The following SLC37A1 variants were observed in gnomAD, a reference collection of about 807,000 sequenced individuals.
SLC37A1 encodes the protein glucose-6-phosphate exchanger SLC37A1.
SLC37A1 carries 49 observed loss-of-function variants against 75.3 expected under a neutral mutation model. That is an observed-to-expected ratio of 0.65 (90% CI 0.52 to 0.83). The LOEUF is 0.83. Ranked by LOEUF, SLC37A1 falls within the 40% of genes least tolerant of loss-of-function variation. The pLI, the probability that SLC37A1 is intolerant of heterozygous loss-of-function variation, is 0.00. For missense variants in SLC37A1, 566 were observed against 695.0 expected, an observed-to-expected ratio of 0.81 and a Z score of 2.09; for synonymous variants, 268 against 292.1, an observed-to-expected ratio of 0.92 and a Z score of 0.84.
rs112132021 is a variant in SLC37A1, at chr21:42,514,515, C to T, written c.-381C>T. The T allele has an allele frequency of 6.6e-6, 1 of 152,244 alleles. No homozygotes were observed. The highest frequency in any genetic ancestry group is 6.5e-5 in the Admixed American group (1 of 15,294). 9.4% of individuals were successfully genotyped at this position (152,244 alleles called of 1,614,324 possible). A position where few individuals can be genotyped will look rare whatever the true frequency, so the allele number is the denominator to read the frequency against. On this transcript the variant is annotated 5_prime_UTR_variant, in exon 1 of 20. Coordinates refer to ENST00000352133, the MANE Select transcript of SLC37A1 (RefSeq NM_001320537.2). This position sits in a 1 kb window ranked among gnomAD's most constrained non-coding sequence, Gnocchi z 4.8. Reference sequence around the variant, plus strand: ...GAGGAGCCGGCACAGAACGCTGGCTCGGAGCGCCGGCACCCTGGGCCTTTG... The same window carrying T: ...GAGGAGCCGGCACAGAACGCTGGCTTGGAGCGCCGGCACCCTGGGCCTTTG...
chr21:42,538,407 C>T (rs539481404), intron 5 of SLC37A1, among the ~76,000 whole-genome samples: 2 of 152,234 alleles, frequency 1.3e-5, no homozygotes, highest in South Asian at 2.1e-4. Context: ...TTGGTGAATT[C>T]GGAAGGAAAA....
At chr21:42,580,209 G>T in intron 19 of SLC37A1, 136 bp from the exon 20 acceptor site, 1 of 981,252 alleles carries the variant, frequency 1.0e-6, no homozygotes, top group Non-Finnish European at 1.6e-6. Context: ...CAGCACCCCT[G>T]CAGGAGAGGA....
intron 13 of SLC37A1, 59 bp from the exon 14 acceptor site, chr21:42,564,649 C>A: frequency 7.2e-7 from 1 of 1,393,060 alleles, no homozygotes; most frequent in Non-Finnish European, 1.0e-6. Flanking sequence ...AGTTCTGCTT[C>A]CTCCCCGTGG....
At chr21:42,556,911 C>T (rs1024587821) in intron 10 of SLC37A1, among the ~76,000 whole-genome samples, 1 of 152,172 alleles carries the variant, frequency 6.6e-6, no homozygotes, top group Non-Finnish European at 1.5e-5. Context: ...GGCCCGTTCT[C>T]AGCAGAAACA....
intron 18 of SLC37A1, among the ~76,000 whole-genome samples, chr21:42,577,735 C>G (rs1357082297): frequency 6.6e-6 from 1 of 152,196 alleles, no homozygotes; most frequent in Non-Finnish European, 1.5e-5. Flanking sequence ...AATAAATGGA[C>G]TTAAACTCAT....
chr21:42,535,186 G>A (rs1172757181), intron 4 of SLC37A1, among the ~76,000 whole-genome samples: 3 of 152,224 alleles, frequency 2.0e-5, no homozygotes, highest in African/African-American at 7.2e-5. Flanking sequence ...ACACGTAAAA[G>A]AAAAGGCATC....
intron 3 of SLC37A1, among the ~76,000 whole-genome samples, chr21:42,529,821 C>T (rs968033341): frequency 6.6e-6 from 1 of 152,132 alleles, no homozygotes; most frequent in Non-Finnish European, 1.5e-5. Context: ...TTGCCCAGGG[C>T]AGTAAGCGCT....
rs140420864 is a variant in SLC37A1, at chr21:42,559,080, G to A, written c.972G>A (p.Leu324=). The change falls in exon 11 of 20, where the codon TTG becomes TTA. Residue 324 remains leucine (L), a synonymous_variant. Coordinates refer to ENST00000352133, the MANE Select transcript of SLC37A1 (RefSeq NM_001320537.2). ...GTAAISFTGA[L]KIPGVIEFSL... ...CCGCCATCAGCTTCACAGGGGCCTT[G>A]AAAATTCCAGTAAGTAAACGTGCCC... is the stretch of plus-strand genomic sequence containing the variant. 3.4e-4 allele frequency: 540 copies of A among 1,610,664 alleles called. No homozygotes were observed. Among genetic ancestry groups the A allele is most frequent in the Non-Finnish European group, 4.4e-4 (517 of 1,178,658 alleles).
At chr21:42,508,164 T>C (rs9981178) in intron 2 of SLC37A1, among the ~76,000 whole-genome samples, 5,853 of 143,540 alleles carry the variant, frequency 0.041, 413 homozygotes, top group African/African-American at 0.14. Context: ...AGTCTCGCTC[T>C]GTTGCCCAGG....
chr21:42,569,885 G>A (rs1015808202), intron 17 of SLC37A1, among the ~76,000 whole-genome samples: 3 of 152,262 alleles, frequency 2.0e-5, no homozygotes, highest in African/African-American at 4.8e-5. Flanking sequence ...GAGCCAGGCC[G>A]GACAGGCCCC....
At chr21:42,565,682 G>A (rs577793029) in intron 14 of SLC37A1, 145 bp from the exon 15 acceptor site, 54 of 676,130 alleles carry the variant, frequency 8.0e-5, no homozygotes, top group South Asian at 1.6e-4. Flanking sequence ...GGGAGGGGGC[G>A]TGGCCGTCAC....
chr21:42,503,417 T>C (rs1374446735), intron 2 of SLC37A1, among the ~76,000 whole-genome samples: 1 of 148,726 alleles, frequency 6.7e-6, no homozygotes, highest in Non-Finnish European at 1.5e-5. Flanking sequence ...ACCTGGCTGA[T>C]TTTTTGTATT....
At chr21:42,558,102 C>T (rs2055736917) in intron 10 of SLC37A1, among the ~76,000 whole-genome samples, 2 of 152,250 alleles carry the variant, frequency 1.3e-5, no homozygotes, top group Middle Eastern at 6.8e-3. Flanking sequence ...CCACCACATT[C>T]CACTATTTTT....
At chr21:42,580,312 T>A in intron 19 of SLC37A1, 33 bp from the exon 20 acceptor site, 1 of 1,608,890 alleles carries the variant, frequency 6.2e-7, no homozygotes, top group Non-Finnish European at 8.5e-7. Flanking sequence ...CTGCTGGCTG[T>A]TAGAGCAGCT....
intron 18 of SLC37A1, among the ~76,000 whole-genome samples, chr21:42,578,135 T>G (rs1189580793): frequency 6.6e-6 from 1 of 152,234 alleles, no homozygotes; most frequent in Non-Finnish European, 1.5e-5. Context: ...CTCCATGATC[T>G]GAGCAGGTGT....
intron 15 of SLC37A1, 21 bp from the exon 16 acceptor site, chr21:42,566,964 T>A (rs983400885): frequency 6.2e-7 from 1 of 1,601,128 alleles, no homozygotes; most frequent in Non-Finnish European, 8.5e-7. Context: ...TTTCCATTCT[T>A]TGCCCCTCTG....
At chr21:42,558,500 G>A (rs115184401) in intron 10 of SLC37A1, among the ~76,000 whole-genome samples, 4 of 152,210 alleles carry the variant, frequency 2.6e-5, no homozygotes, top group African/African-American at 4.8e-5. Context: ...AGTTACATAC[G>A]TAGATATTTA....
At chr21:42,569,412 A>C (rs1449630412) in intron 17 of SLC37A1, among the ~76,000 whole-genome samples, 1 of 152,210 alleles carries the variant, frequency 6.6e-6, no homozygotes, top group African/African-American at 2.4e-5. Flanking sequence ...GCTCCTCCGA[A>C]GGCCAGGCTG....
chr21:42,525,118 G>A (rs1158849224), intron 2 of SLC37A1, among the ~76,000 whole-genome samples: 1 of 152,218 alleles, frequency 6.6e-6, no homozygotes, highest in Non-Finnish European at 1.5e-5. Flanking sequence ...GTGGAGCCCT[G>A]GCGAGGGCAC....
Sources: allele counts gnomAD v4.1 joint callset (sites outside exome capture counted in the v4.1 genomes callset), GRCh38; gene constraint gnomAD v4.1.1; non-coding constraint Gnocchi (gnomAD v3.1); transcripts MANE v1.5; gene names NCBI Gene and HGNC (gene_info 2026-07-23, HGNC 2026-07-21).